The following SERINC2 variants were observed in gnomAD, a reference collection of about 807,000 sequenced individuals.
SERINC2 encodes the protein tumor differentially expressed protein 2.
In SERINC2, 56 loss-of-function variants were observed where a neutral mutation model predicts 54.2. The observed-to-expected ratio is 1.03, with a 90% CI of 0.83 to 1.29. The LOEUF is 1.29. Among genes scored for constraint, SERINC2 ranks in the 50% most tolerant of loss-of-function variants. SERINC2 has a pLI of 0.00. For synonymous variants in SERINC2, 272 were observed against 253.1 expected, an observed-to-expected ratio of 1.07 and a Z score of -0.71; for missense variants, 614 against 607.4, an observed-to-expected ratio of 1.01 and a Z score of -0.12.
At chr1:31,414,451 G>A (rs1185437735) in intron 1 of SERINC2, 1 of 1,008,178 alleles carries the variant, frequency 9.9e-7, no homozygotes, top group Non-Finnish European at 1.2e-6. Context: ...GTGTGTGTGT[G>A]TGTGAGAGAG....
Position 31,429,459 on chromosome 1 carries a change from G to T in SERINC2, c.934G>T (p.Glu312Ter). The change falls in exon 8 of 10, where the codon GAG becomes TAG. Residue 312 changes from glutamate to a stop codon, truncating the protein, a stop_gained. Coordinates refer to ENST00000373709, the MANE Select transcript of SERINC2 (RefSeq NM_178865.5). LOFTEE classifies it high-confidence loss of function. ...CAACGAGACAGTTGTGGCAGGCCCC[G>T]AGGGCTATGAGACCCAGTGGTGGGA... ...LGNETVVAGP[E>*]GYETQWWDAP... is the part of the protein sequence containing the mutation. 6.2e-7 allele frequency: 1 copy of T among 1,613,526 alleles called. No individual in the cohort carries two copies. The highest frequency in any genetic ancestry group is 8.5e-7 in the Non-Finnish European group (1 of 1,179,760).
intron 6 of SERINC2, 45 bp from the exon 7 acceptor site, chr1:31,428,933 G>T (rs1460570759): frequency 4.6e-6 from 7 of 1,508,588 alleles, no homozygotes; most frequent in South Asian, 2.3e-5. Flanking sequence ...GTGGGGTGGG[G>T]TGTCTCTGGT....
At chr1:31,426,513 A>G (rs1553133625) in intron 5 of SERINC2, 141 bp from the exon 6 acceptor site, 1 of 628,592 alleles carries the variant, frequency 1.6e-6, no homozygotes, top group African/African-American at 1.8e-5. Flanking sequence ...TGTTGGTGAA[A>G]GGCAGTGACG....
intron 2 of SERINC2, 150 bp downstream of exon 2, chr1:31,424,004 G>C: frequency 1.4e-6 from 1 of 702,560 alleles, no homozygotes; most frequent in Non-Finnish European, 2.4e-6. Flanking sequence ...ATGAGGGGAG[G>C]AGGGCTTGAG....
rs369602666 is a variant in SERINC2 at position 31,415,996 on chromosome 1, C to G, written c.39+2692C>G. ...CGCCGGCACATGATGACTTGGCTGTCTGCAAAGATTTCAGGAGGGTCTTGC... is the reference window on the plus strand; with the variant it reads ...CGCCGGCACATGATGACTTGGCTGTGTGCAAAGATTTCAGGAGGGTCTTGC... On this transcript the variant is annotated intron_variant, in intron 1 of 9. Coordinates refer to ENST00000373709, the MANE Select transcript of SERINC2 (RefSeq NM_178865.5). 5.0e-6 allele frequency: 4 copies of G among 792,874 alleles called. No individual in the cohort carries two copies. The East Asian group carries it at 3.8e-4, about 76-fold the overall frequency. 49.1% of individuals were successfully genotyped at this position (792,874 alleles called of 1,614,324 possible). A position where few individuals can be genotyped will look rare whatever the true frequency, so the allele number is the denominator to read the frequency against.
intron 8 of SERINC2, among the ~76,000 whole-genome samples, chr1:31,430,994 C>A (rs1445038730): frequency 1.3e-5 from 2 of 152,194 alleles, no homozygotes; most frequent in African/African-American, 4.8e-5. Context: ...AAAACATTTT[C>A]TCCAAGTCAG....
chr1:31,420,765 A>C (rs1476183763), intron 1 of SERINC2, among the ~76,000 whole-genome samples: 2 of 152,186 alleles, frequency 1.3e-5, no homozygotes, highest in Non-Finnish European at 2.9e-5. Context: ...CACACAATTC[A>C]TAGCATCAGT....
Position 31,434,092 on chromosome 1 carries a change from A to T in SERINC2, c.1261A>T (p.Thr421Ser). 1.9e-6 allele frequency: 3 copies of T among 1,613,942 alleles called. No homozygotes were observed. The highest frequency in any genetic ancestry group is 2.5e-6 in the Non-Finnish European group (3 of 1,179,896). Residue 421 changes from threonine to serine, a missense_variant, in exon 10 of 10, where the codon ACG (threonine) becomes TCG (serine). Thr to Ser is a moderately conservative substitution (Grantham distance 58). Transcript: ENST00000373709. The part of the protein sequence containing the change: ...KPGETRKMIS[T>S]WTAVWVKICA... ...CGGTGAGACCCGGAAGATGATCAGC[A>T]CGTGGACCGCCGTGTGGGTGAAGAT...
intron 1 of SERINC2, among the ~76,000 whole-genome samples, chr1:31,415,216 C>G (rs868989289): frequency 2.0e-4 from 31 of 152,322 alleles, no homozygotes; most frequent in African/African-American, 7.5e-4. Flanking sequence ...ACCTTCCCTC[C>G]CTTCCCCACA....
At chr1:31,432,084 T>TAGGGTGGACAGGGTGGAC (rs1297998581) in intron 8 of SERINC2, among the ~76,000 whole-genome samples, 1 of 13,446 alleles carries the variant, frequency 7.4e-5, no homozygotes, top group Non-Finnish European at 1.5e-4. Flanking sequence ...ACAGGGTGGT[T>TAGGGTGGACAGGGTGGAC]AGGGTGGACA....
At chr1:31,424,512 C>T (rs906437021) in intron 2 of SERINC2, among the ~76,000 whole-genome samples, 171 bp from the exon 3 acceptor site, 17 of 152,164 alleles carry the variant, frequency 1.1e-4, no homozygotes, top group African/African-American at 3.4e-4. Context: ...GGAATGGAGG[C>T]GGAGGCAGTG....
intron 1 of SERINC2, among the ~76,000 whole-genome samples, chr1:31,421,190 G>A (rs115620061): frequency 0.011 from 1,738 of 152,254 alleles, 33 homozygotes; most frequent in African/African-American, 0.04. Flanking sequence ...TCCAAGTTGC[G>A]TGCTTCTTAT....
chr1:31,423,186 G>C (rs1553132945), intron 1 of SERINC2, among the ~76,000 whole-genome samples: 1 of 152,232 alleles, frequency 6.6e-6, no homozygotes, highest in African/African-American at 2.4e-5. Context: ...GCTGATGGCA[G>C]AAGTCCCGCG....
In SERINC2 at chr1:31,413,342, C is replaced by T. The variant is rs1553131757; in HGVS notation, c.39+38C>T. ...CCCGGCGCCCGCCCGCGCGCGCCGC[C>T]CGTTCCTGCTGCGGGCCCTCACTTT... On this transcript the variant is annotated intron_variant, in intron 1 of 9. Coordinates refer to ENST00000373709, the MANE Select transcript of SERINC2 (RefSeq NM_178865.5). This position sits in a 1 kb window ranked among gnomAD's most constrained non-coding sequence, Gnocchi z 5.0. 1.8e-6 allele frequency: 2 copies of T among 1,131,562 alleles called. No homozygotes were observed. Among genetic ancestry groups the T allele is most frequent in the Admixed American group, 4.2e-5 (1 of 23,940 alleles). The allele number at this position is 1,131,562 out of a possible 1,614,324, so 70.1% of individuals were successfully genotyped here.
Position 31,433,027 on chromosome 1 carries a change from T to A in SERINC2, c.1074T>A (p.Pro358=). ...TGATGCAGACCGAGGAGTGCCCACCTATGCTAGACGCCACACAGCAGCAGC... is the reference window on the plus strand; with the variant it reads ...TGATGCAGACCGAGGAGTGCCCACCAATGCTAGACGCCACACAGCAGCAGC... ...NSLMQTEECP[P]MLDATQQQQQ... Residue 358 remains proline (P), a synonymous_variant, in exon 9 of 10, where the codon CCT becomes CCA. Coordinates refer to ENST00000373709, the MANE Select transcript of SERINC2 (RefSeq NM_178865.5). 6.3e-7 allele frequency: 1 copy of A among 1,582,612 alleles called. No individual in the cohort carries two copies. The highest frequency in any genetic ancestry group is 8.5e-7 in the Non-Finnish European group (1 of 1,169,670).
rs1640985046 is a variant in SERINC2, at chr1:31,424,670, T to C, written c.202-13T>C. ...GAGGTGGGGCTTTGACGCTGCTCTG[T>C]CTGTCTCCACAGCTGCCCTGGGTGT... On this transcript the variant is annotated splice_polypyrimidine_tract_variant and intron_variant, in intron 2 of 9. Coordinates refer to ENST00000373709, the MANE Select transcript of SERINC2 (RefSeq NM_178865.5). 18 of 1,580,648 alleles carry C rather than the reference T, an allele frequency of 1.1e-5. No individual in the cohort carries two copies. The highest frequency in any genetic ancestry group is 2.7e-5 in the African/African-American group (2 of 74,182).
At position 31,434,288 on chromosome 1, in the gene SERINC2, T is replaced by A. The variant is rs1641408857; in HGVS notation, c.*89T>A. 4.3e-6 allele frequency: 6 copies of A among 1,396,598 alleles called. No homozygotes were observed. In the Admixed American group the frequency reaches 1.1e-4, roughly 25 times the overall value. 86.5% of individuals were successfully genotyped at this position (1,396,598 alleles called of 1,614,324 possible). On this transcript the variant is annotated 3_prime_UTR_variant, in exon 10 of 10. Transcript: ENST00000373709. The stretch of plus-strand genomic sequence containing the variant: ...CCAACCTGCCCCCTCCCCACACCAA[T>A]CAGCCAGGCTGAGCCCCCACCCCTG...
chr1:31,425,713 C>G, intron 4 of SERINC2, 63 bp from the exon 5 acceptor site: 1 of 1,577,500 alleles, frequency 6.3e-7, no homozygotes, highest in Non-Finnish European at 8.6e-7. Flanking sequence ...GCAGAAAACG[C>G]TTGTTGAACG....
At chr1:31,431,920 G>C (rs534303034) in intron 8 of SERINC2, among the ~76,000 whole-genome samples, 14 of 146,678 alleles carry the variant, frequency 9.5e-5, no homozygotes, top group African/African-American at 1.5e-4. Flanking sequence ...GGATAGGGTG[G>C]TTAGGGTGGA....
Sources: gnomAD v4.1 joint callset for allele counts (sites outside exome capture counted in the v4.1 genomes callset) on GRCh38, gnomAD v4.1.1 for gene constraint, Gnocchi (gnomAD v3.1) non-coding constraint, MANE v1.5 for transcripts, NCBI Gene and HGNC (gene_info 2026-07-23, HGNC 2026-07-21) for gene names.